Variants in BABAM2 observed in about 807,000 individuals in gnomAD.
BABAM2 encodes BRISC and BRCA1 A complex member 2.
In BABAM2, 31 loss-of-function variants were observed where a neutral mutation model predicts 54.7. The observed-to-expected ratio is 0.57, with a 90% CI of 0.43 to 0.77. The LOEUF is 0.77. Among genes scored for constraint, BABAM2 ranks in the 30% least tolerant of loss-of-function variants. BABAM2 has a pLI of 0.00. For synonymous variants in BABAM2, 167 were observed against 162.9 expected (o/e 1.03, Z -0.19); for missense variants, 364 against 455.8 (o/e 0.80, Z 1.83).
chr2:28,198,149 A>G (rs182033836), intron 7 of BABAM2, among the ~76,000 whole-genome samples: 6 of 151,550 alleles, frequency 4.0e-5, no homozygotes, highest in Non-Finnish European at 8.8e-5. Flanking sequence ...CTGAAAATTC[A>G]CTACCACAGG....
intron 3 of BABAM2, among the ~76,000 whole-genome samples, chr2:27,955,067 A>G (rs1208656535): frequency 6.6e-6 from 1 of 152,192 alleles, no homozygotes; most frequent in Non-Finnish European, 1.5e-5. Context: ...GCTTTGTACA[A>G]GATTTTTCAG....
chr2:28,112,151 C>CTTTCTTTATT (rs1261759583), intron 6 of BABAM2, among the ~76,000 whole-genome samples: 1 of 19,606 alleles, frequency 5.1e-5, no homozygotes. Context: ...CTTTCTTTAC[C>CTTTCTTTATT]TCCCTCCCTC....
At chr2:28,219,959 G>A (rs1029316052) in intron 7 of BABAM2, among the ~76,000 whole-genome samples, 1 of 152,148 alleles carries the variant, frequency 6.6e-6, no homozygotes, top group African/African-American at 2.4e-5. Flanking sequence ...GATGAGTTGT[G>A]GCTCAGTGCT....
intron 6 of BABAM2, among the ~76,000 whole-genome samples, chr2:28,120,046 TTAAC>T (rs1203917603): frequency 2.0e-5 from 3 of 152,202 alleles, no homozygotes; most frequent in South Asian, 2.1e-4. Flanking sequence ...CCTTCCTTAA[TTAAC>T]TGAGTCCATG....
At chr2:28,192,614 C>T (rs1442390026) in intron 7 of BABAM2, among the ~76,000 whole-genome samples, 6 of 149,130 alleles carry the variant, frequency 4.0e-5, no homozygotes, top group East Asian at 2.0e-4. Flanking sequence ...CTCTGCCTCC[C>T]GGGTTCAAGT....
chr2:28,162,443 A>T (rs542737115), intron 7 of BABAM2, among the ~76,000 whole-genome samples: 2 of 152,302 alleles, frequency 1.3e-5, no homozygotes, highest in East Asian at 3.9e-4. Context: ...AGGCATGAGG[A>T]TAGTATCCAC....
intron 11 of BABAM2, among the ~76,000 whole-genome samples, chr2:28,314,176 T>G (rs1689314533): frequency 1.3e-5 from 2 of 152,216 alleles, no homozygotes; most frequent in African/African-American, 4.8e-5. Context: ...ATTGAATAAT[T>G]ATAGTACACC....
intron 3 of BABAM2, among the ~76,000 whole-genome samples, chr2:27,974,654 A>T (rs1428627327): frequency 1.3e-5 from 2 of 152,186 alleles, no homozygotes; most frequent in Non-Finnish European, 2.9e-5. Flanking sequence ...AATATCATAC[A>T]TGGTGAAAGA....
chr2:28,062,931 C>G (rs1360028152), intron 6 of BABAM2, among the ~76,000 whole-genome samples: 1 of 152,166 alleles, frequency 6.6e-6, no homozygotes, highest in African/African-American at 2.4e-5. Context: ...TCACAGCCAC[C>G]CTGTAAGGTG....
intron 8 of BABAM2, among the ~76,000 whole-genome samples, chr2:28,239,830 CT>C (rs1179295080): frequency 4.6e-5 from 7 of 152,182 alleles, no homozygotes; most frequent in Non-Finnish European, 8.8e-5. Context: ...TGATGGGAAA[CT>C]AGGTTTTCCG....
intron 4 of BABAM2, chr2:28,016,602 G>T: frequency 5.9e-6 from 3 of 508,240 alleles, no homozygotes; most frequent in Non-Finnish European, 1.1e-5. Context: ...AGAATCCACT[G>T]TGTTTTAGAC....
At chr2:27,932,494 C>T (rs928066557) in intron 3 of BABAM2, among the ~76,000 whole-genome samples, 2 of 152,006 alleles carry the variant, frequency 1.3e-5, no homozygotes, top group Non-Finnish European at 2.9e-5. Flanking sequence ...TTAAGATAGA[C>T]AATAAAATAG....
chr2:28,024,615 T>A (rs1406268051), intron 4 of BABAM2, among the ~76,000 whole-genome samples: 1 of 152,140 alleles, frequency 6.6e-6, no homozygotes, highest in African/African-American at 2.4e-5. Flanking sequence ...GGAACCATCC[T>A]TTTTCACTTG....
intron 4 of BABAM2, among the ~76,000 whole-genome samples, chr2:27,992,957 C>A (rs182352534): frequency 7.2e-5 from 11 of 152,290 alleles, no homozygotes; most frequent in Admixed American, 2.6e-4. Context: ...GAGAGGCTTT[C>A]CCTGACATCC....
intron 5 of BABAM2, among the ~76,000 whole-genome samples, chr2:28,041,533 G>A (rs1413954814): frequency 1.3e-5 from 2 of 152,136 alleles, no homozygotes; most frequent in East Asian, 3.8e-4. Context: ...CATCCTCCAG[G>A]GGTTTAGAAA....
At chr2:27,987,079 G>C (rs556443121) in intron 3 of BABAM2, among the ~76,000 whole-genome samples, 1 of 152,094 alleles carries the variant, frequency 6.6e-6, no homozygotes, top group East Asian at 1.9e-4. Flanking sequence ...CTATATGCTG[G>C]ACACTGCTAG....
chr2:28,055,657 G>T (rs1678346911), intron 6 of BABAM2, among the ~76,000 whole-genome samples: 1 of 152,188 alleles, frequency 6.6e-6, no homozygotes, highest in African/African-American at 2.4e-5. Context: ...TTGGAATGTA[G>T]ATTGGGGTAA....
chr2:28,211,632 A>G (rs1287183641), intron 7 of BABAM2, among the ~76,000 whole-genome samples: 1 of 151,568 alleles, frequency 6.6e-6, no homozygotes, highest in Non-Finnish European at 1.5e-5. Flanking sequence ...CAGGTGATCC[A>G]CTCATCTTGG....
intron 10 of BABAM2, among the ~76,000 whole-genome samples, chr2:28,273,803 C>A (rs1685642048): frequency 6.6e-6 from 1 of 152,170 alleles, no homozygotes; most frequent in Non-Finnish European, 1.5e-5. Flanking sequence ...AAGGAGCACC[C>A]ATCTTAGTCA....
Sources: gnomAD v4.1 joint callset for allele counts (sites outside exome capture counted in the v4.1 genomes callset) on GRCh38, gnomAD v4.1.1 for gene constraint, MANE v1.5 for transcripts, NCBI Gene and HGNC (gene_info 2026-07-23, HGNC 2026-07-21) for gene names.